Variants in ERG observed in about 807,000 individuals in gnomAD.
The protein encoded by ERG is transcriptional regulator ERG.
Under a neutral mutation model 55.3 loss-of-function variants are expected in ERG, and 9 were observed. The observed-to-expected ratio is 0.16, with a 90% confidence interval of 0.10 to 0.28. The LOEUF (loss-of-function observed/expected upper bound fraction) is 0.28, where lower values mean the gene tolerates loss of function less well. ERG is among the 10% of genes least tolerant of loss of function. ERG has a pLI of 1.00. For missense variants in ERG, 434 were observed against 631.6 expected, an observed-to-expected ratio of 0.69 and a Z score of 3.35; for synonymous variants, 223 against 237.3, an observed-to-expected ratio of 0.94 and a Z score of 0.55.
At position 38,498,327 on chromosome 21, in the gene ERG, A is replaced by C. The variant is rs1240894322; in HGVS notation, c.18+36T>G. On this transcript the variant is annotated intron_variant, in intron 1 of 9. Transcript: ENST00000288319. This position sits in a 1 kb window ranked among gnomAD's most constrained non-coding sequence, Gnocchi z 4.6. ...AACCAAAGAAAAGAGTAACAAGAAC[A>C]AGATTTTGTCAAATTAAAAGGAACC... 4.5e-5 allele frequency: 71 copies of C among 1,589,930 alleles called. No individual in the cohort carries two copies. Among genetic ancestry groups the C allele is most frequent in the Non-Finnish European group, 5.9e-5 (69 of 1,159,956 alleles).
intron 2 of ERG, among the ~76,000 whole-genome samples, chr21:38,431,465 G>A (rs1990207916): frequency 6.6e-6 from 1 of 152,024 alleles, no homozygotes; most frequent in Admixed American, 6.5e-5. Flanking sequence ...TGAAGTTTGG[G>A]GTGGCTTATA....
upstream of ERG, among the ~76,000 whole-genome samples, chr21:38,588,117 G>T (rs1236611549): frequency 6.6e-6 from 1 of 152,202 alleles, no homozygotes; most frequent in African/African-American, 2.4e-5. Context: ...CCAGAGAAAG[G>T]CACACTACCA....
intron 2 of ERG, among the ~76,000 whole-genome samples, chr21:38,428,921 AGG>A (rs1989973201): frequency 1.3e-5 from 2 of 152,160 alleles, no homozygotes; most frequent in Admixed American, 1.3e-4. Flanking sequence ...TTGGGGGAAC[AGG>A]TGGTGTCTGG....
At chr21:38,621,365 G>C (rs1476341999) in intron 1 of ERG, among the ~76,000 whole-genome samples, 1 of 152,206 alleles carries the variant, frequency 6.6e-6, no homozygotes, top group Non-Finnish European at 1.5e-5. Flanking sequence ...GCTTTGACCA[G>C]TAAAAGTGAG....
intron 1 of ERG, among the ~76,000 whole-genome samples, chr21:38,590,589 C>CATCCATCT (rs2060094199): frequency 6.6e-6 from 1 of 151,986 alleles, no homozygotes; most frequent in Admixed American, 6.6e-5. Context: ...TCCATCCATC[C>CATCCATCT]ATCCATCCAT....
At chr21:38,560,057 A>G (rs182876237) in intron 2 of ERG, among the ~76,000 whole-genome samples, 2 of 152,260 alleles carry the variant, frequency 1.3e-5, no homozygotes, top group Non-Finnish European at 2.9e-5. Flanking sequence ...ACAGCAAATG[A>G]CCCCATCTAA....
At chr21:38,609,429 G>A (rs1455418826) in intron 1 of ERG, among the ~76,000 whole-genome samples, 5 of 151,202 alleles carry the variant, frequency 3.3e-5, no homozygotes, top group African/African-American at 4.9e-5. Context: ...ACAATAACTC[G>A]ACACTGGAAA....
downstream of ERG, among the ~76,000 whole-genome samples, chr21:38,377,651 A>C (rs1987280301): frequency 6.6e-6 from 1 of 152,230 alleles, no homozygotes; most frequent in Non-Finnish European, 1.5e-5. Flanking sequence ...TGACTTCTAC[A>C]CCAAATTCTT....
intron 1 of ERG, among the ~76,000 whole-genome samples, chr21:38,599,154 G>A (rs2060149093): frequency 6.6e-6 from 1 of 152,182 alleles, no homozygotes; most frequent in African/African-American, 2.4e-5. Context: ...GGACAGGTAA[G>A]AAGGAGAGGC....
At chr21:38,425,290 C>T (rs1989764962) in intron 2 of ERG, among the ~76,000 whole-genome samples, 1 of 151,994 alleles carries the variant, frequency 6.6e-6, no homozygotes, top group Non-Finnish European at 1.5e-5. Flanking sequence ...GAGGCTGAGG[C>T]AGGAGAATCC....
intron 3 of ERG, among the ~76,000 whole-genome samples, chr21:38,411,542 A>G (rs909492798): frequency 2.0e-5 from 3 of 152,154 alleles, no homozygotes; most frequent in Admixed American, 1.3e-4. Context: ...TCCTGACCTT[A>G]GGTGATCCAC....
chr21:38,458,423 C>CAAAAAA (rs35307490), intron 1 of ERG, among the ~76,000 whole-genome samples: 3 of 83,732 alleles, frequency 3.6e-5, no homozygotes, highest in Non-Finnish European at 7.2e-5. Context: ...GACTCTGGCT[C>CAAAAAA]AAAAAAAAAA....
At chr21:38,427,701 T>A (rs1470678833) in intron 2 of ERG, among the ~76,000 whole-genome samples, 2 of 152,134 alleles carry the variant, frequency 1.3e-5, no homozygotes, top group Non-Finnish European at 2.9e-5. Context: ...CATCAGGGAC[T>A]CCCTGACCCA....
intron 9 of ERG, among the ~76,000 whole-genome samples, chr21:38,385,846 A>T (rs1329451884): frequency 6.6e-6 from 1 of 152,216 alleles, no homozygotes; most frequent in Non-Finnish European, 1.5e-5. Context: ...AAAATTCCGT[A>T]TATGACCTGG....
chr21:38,431,262 C>A (rs1990194488), intron 2 of ERG, among the ~76,000 whole-genome samples: 3 of 152,164 alleles, frequency 2.0e-5, no homozygotes, highest in Admixed American at 6.5e-5. Flanking sequence ...AATCAGAGGG[C>A]TGGAAGAAGC....
chr21:38,578,472 G>A (rs1454223197), intron 1 of ERG, among the ~76,000 whole-genome samples: 2 of 152,102 alleles, frequency 1.3e-5, no homozygotes, highest in African/African-American at 4.8e-5. Context: ...ATTTTTGGGC[G>A]GCCTATATGA....
intron 3 of ERG, among the ~76,000 whole-genome samples, chr21:38,418,480 C>T (rs1052511444): frequency 1.3e-5 from 2 of 152,072 alleles, no homozygotes; most frequent in Non-Finnish European, 2.9e-5. Flanking sequence ...GAAATGGGGT[C>T]CCACTATGTT....
intron 1 of ERG, among the ~76,000 whole-genome samples, chr21:38,479,710 T>A (rs1013748425): frequency 2.0e-5 from 3 of 152,132 alleles, no homozygotes; most frequent in Admixed American, 1.3e-4. Context: ...TGGAACACTT[T>A]CTGTTCCATC....
At chr21:38,575,858 C>T (rs568771204) in intron 1 of ERG, 3 of 819,710 alleles carry the variant, frequency 3.7e-6, no homozygotes, top group African/African-American at 3.4e-5. Flanking sequence ...CATAGCTTTA[C>T]ATTAAACATG....
Sources: gnomAD v4.1 joint callset for allele counts (sites outside exome capture counted in the v4.1 genomes callset) on GRCh38, gnomAD v4.1.1 for gene constraint, Gnocchi (gnomAD v3.1) non-coding constraint, MANE v1.5 for transcripts, NCBI Gene and HGNC (gene_info 2026-07-23, HGNC 2026-07-21) for gene names.